NOCT: variants seen among roughly 807,000 people sequenced by gnomAD.
NOCT encodes the protein CCR4 carbon catabolite repression 4-like.
In NOCT, 18 loss-of-function variants were observed where a neutral mutation model predicts 35.0. The observed-to-expected ratio is 0.51, with a 90% CI of 0.36 to 0.76. The LOEUF is 0.76. Among genes scored for constraint, NOCT ranks in the 30% least tolerant of loss-of-function variants. NOCT has a pLI of 0.01. For synonymous variants in NOCT, 235 were observed against 226.3 expected (o/e 1.04, Z -0.34); for missense variants, 479 against 541.0 (o/e 0.89, Z 1.14).
intron 2 of NOCT, chr4:139,043,980 G>GTGTATATATATATA (rs757428472): frequency 2.2e-5 from 3 of 135,388 alleles, no homozygotes; most frequent in African/African-American, 8.6e-5. Flanking sequence ...AAAAAAATAT[G>GTGTATATATATATA]TATATATATA....
intron 1 of NOCT, among the ~76,000 whole-genome samples, chr4:139,016,406 C>T (rs2148640976): frequency 6.6e-6 from 1 of 152,178 alleles, no homozygotes; most frequent in South Asian, 2.1e-4. Context: ...TATTCAGGTT[C>T]CCGCTTGACC....
At chr4:139,029,539 T>A (rs1200522984) in intron 1 of NOCT, among the ~76,000 whole-genome samples, 5 of 152,266 alleles carry the variant, frequency 3.3e-5, no homozygotes, top group African/African-American at 1.2e-4. Flanking sequence ...ACTTGGAGAC[T>A]GGTCGGTCAC....
chr4:139,015,941 C>A lies in NOCT; in HGVS notation c.-41C>A. 1 of 1,304,456 alleles carries A rather than the reference C, an allele frequency of 7.7e-7. No individual in the cohort carries two copies. The highest frequency in any genetic ancestry group is 2.1e-5 in the South Asian group (1 of 47,984). The allele number at this position is 1,304,456 out of a possible 1,614,324, so 80.8% of individuals were successfully genotyped here. On this transcript the variant is annotated 5_prime_UTR_variant, in exon 1 of 3. Transcript: ENST00000280614. ...CCCTCGGCCCCAGCCGGGCTCCGCT[C>A]CTCGGGCGCGCGAGGGGCCGTGGTG...
At chr4:139,026,263 A>G (rs1048510153) in intron 1 of NOCT, among the ~76,000 whole-genome samples, 2 of 151,942 alleles carry the variant, frequency 1.3e-5, no homozygotes, top group African/African-American at 2.4e-5. Flanking sequence ...TACCACGCCC[A>G]GCTAATTTTG....
Position 139,044,871 on chromosome 4 carries a change from T to C in NOCT, c.693T>C (p.Asn231=). Reference sequence around the variant, plus strand: ...CTTGTCTAGATGTAGAACACAACAATGGACCAGATGGTTGTGCCTTATTTT... The same window carrying C: ...CTTGTCTAGATGTAGAACACAACAACGGACCAGATGGTTGTGCCTTATTTT... ...WSPCLDVEHN[N]GPDGCALFFL... The change falls in exon 3 of 3, where the codon AAT becomes AAC. Residue 231 remains asparagine (N), a synonymous_variant. Transcript: ENST00000280614. The C allele has an allele frequency of 1.2e-6, 2 of 1,614,132 alleles. No homozygotes were observed. The highest frequency in any genetic ancestry group is 1.7e-6 in the Non-Finnish European group (2 of 1,180,006).
chr4:139,030,625 T>A (rs1001705439), intron 1 of NOCT, among the ~76,000 whole-genome samples: 3 of 152,192 alleles, frequency 2.0e-5, no homozygotes, highest in African/African-American at 7.2e-5. Flanking sequence ...CTTTATTGAT[T>A]CCTTCAATAT....
intron 1 of NOCT, among the ~76,000 whole-genome samples, chr4:139,018,874 A>G (rs1173345864): frequency 2.0e-5 from 3 of 152,178 alleles, no homozygotes; most frequent in South Asian, 2.1e-4. Flanking sequence ...CTCTTGAAGC[A>G]TGGTTAGGAT....
intron 2 of NOCT, among the ~76,000 whole-genome samples, chr4:139,044,109 A>T (rs1726891758): frequency 6.9e-6 from 1 of 145,408 alleles, no homozygotes; most frequent in South Asian, 2.2e-4. Context: ...AGCAGTTGAG[A>T]TTTTAAGAAA....
chr4:139,042,184 CAGCCTCCTGAGT>C (rs1262455468), intron 1 of NOCT, among the ~76,000 whole-genome samples: 1 of 151,420 alleles, frequency 6.6e-6, no homozygotes, highest in Non-Finnish European at 1.5e-5. Context: ...TCGCCTGCCT[CAGCCTCCTGAGT>C]AGCTGGGATT....
intron 1 of NOCT, among the ~76,000 whole-genome samples, chr4:139,026,595 G>A (rs918578649): frequency 1.3e-5 from 2 of 149,836 alleles, no homozygotes; most frequent in African/African-American, 4.9e-5. Context: ...TTGTCACCCA[G>A]GTTGGAGTGC....
chr4:139,024,235 T>A (rs1383969372), intron 1 of NOCT, among the ~76,000 whole-genome samples: 2 of 151,934 alleles, frequency 1.3e-5, no homozygotes, highest in Non-Finnish European at 2.9e-5. Flanking sequence ...TACTTTTATT[T>A]TTTTGTAGAG....
At chr4:139,039,314 G>A (rs1285244641) in intron 1 of NOCT, among the ~76,000 whole-genome samples, 2 of 151,500 alleles carry the variant, frequency 1.3e-5, no homozygotes, top group Admixed American at 6.6e-5. Context: ...TTTTAAATAT[G>A]TTACTTCATT....
intron 1 of NOCT, among the ~76,000 whole-genome samples, chr4:139,038,857 T>A (rs72947672): frequency 6.6e-6 from 1 of 152,168 alleles, no homozygotes; most frequent in African/African-American, 2.4e-5. Flanking sequence ...AGTGCTTTGC[T>A]CCAGTTCTTA....
At chr4:139,023,456 A>G (rs570536651) in intron 1 of NOCT, among the ~76,000 whole-genome samples, 2 of 152,278 alleles carry the variant, frequency 1.3e-5, no homozygotes, top group South Asian at 2.1e-4. Context: ...CAAATCTTGT[A>G]GGTCAAATAG....
At chr4:139,032,352 G>A (rs1726641751) in intron 1 of NOCT, among the ~76,000 whole-genome samples, 2 of 152,182 alleles carry the variant, frequency 1.3e-5, no homozygotes, top group African/African-American at 4.8e-5. Context: ...TGTAACTTGT[G>A]TGTTGCATTG....
chr4:139,035,664 T>C (rs1354189387), intron 1 of NOCT, among the ~76,000 whole-genome samples: 1 of 152,190 alleles, frequency 6.6e-6, no homozygotes, highest in African/African-American at 2.4e-5. Context: ...GCCAGTGATA[T>C]TTTCAAAATG....
chr4:139,043,105 CTA>C lies in NOCT; in HGVS notation c.225_226del (p.Tyr75Ter). ...CCATGGGAACCGGTACAAGCAGACT[CTA>C]TAGTGCTCTCGCCAAGACACTGAAC... Reference protein sequence around the residue: ...CSMGTGTSRLYSALAKTLNSS... With the variant: ...CSMGTGTSRLXSALAKTLNSS... On this transcript the variant is annotated frameshift_variant, in exon 2 of 3. Coordinates refer to ENST00000280614, the MANE Select transcript of NOCT (RefSeq NM_012118.4). LOFTEE classifies it high-confidence loss of function. The C allele has an allele frequency of 3.7e-6, 6 of 1,612,968 alleles. No homozygotes were observed. The highest frequency in any genetic ancestry group is 5.1e-6 in the Non-Finnish European group (6 of 1,179,100).
Position 139,016,101 on chromosome 4 carries a change from GC to G in NOCT, c.123del (p.Ala42HisfsTer41). 1 of 1,334,880 alleles carries G rather than the reference GC, an allele frequency of 7.5e-7. No individual in the cohort carries two copies. The allele number at this position is 1,334,880 out of a possible 1,614,324, so 82.7% of individuals were successfully genotyped here. On this transcript the variant is annotated frameshift_variant, in exon 1 of 3. Coordinates refer to ENST00000280614, the MANE Select transcript of NOCT (RefSeq NM_012118.4). LOFTEE classifies it high-confidence loss of function. ...TGTCCCCGCCGGCTGCTGTTCCCAG[GC>G]CCGCATCCCCCCGGCTGCTGGCGGC... ...PLSPPAAVPR[P>X]ASPRLLAAAS...
At chr4:139,025,213 TTGTC>T (rs1385133603) in intron 1 of NOCT, among the ~76,000 whole-genome samples, 1 of 152,184 alleles carries the variant, frequency 6.6e-6, no homozygotes, top group Non-Finnish European at 1.5e-5. Flanking sequence ...CTTCCCGGCT[TTGTC>T]TGTGAGAGAG....
Sources: allele counts gnomAD v4.1 joint callset (sites outside exome capture counted in the v4.1 genomes callset), GRCh38; gene constraint gnomAD v4.1.1; transcripts MANE v1.5; gene names NCBI Gene and HGNC (gene_info 2026-07-23, HGNC 2026-07-21).